Variants in SLC6A11 observed in about 807,000 individuals in gnomAD.
SLC6A11 encodes the protein solute carrier family 6 member 11.
SLC6A11 carries 25 observed loss-of-function variants against 74.8 expected under a neutral mutation model. That is an observed-to-expected ratio of 0.33 (90% CI 0.24 to 0.47). The LOEUF (loss-of-function observed/expected upper bound fraction) is 0.47. Among genes scored for constraint, SLC6A11 ranks in the 20% least tolerant of loss-of-function variants. SLC6A11 has a pLI of 1.00. For synonymous variants in SLC6A11, 330 were observed against 330.2 expected, an observed-to-expected ratio of 1.00 and a Z score of 0.01; for missense variants, 574 against 837.0, an observed-to-expected ratio of 0.69 and a Z score of 3.88.
intron 6 of SLC6A11, among the ~76,000 whole-genome samples, chr3:10,903,431 C>G (rs551981226): frequency 6.6e-6 from 1 of 152,314 alleles, no homozygotes; most frequent in Admixed American, 6.5e-5. Context: ...TACCCCTCCC[C>G]ACAAGTTGCT....
chr3:10,828,466 C>G (rs946072041), intron 4 of SLC6A11, among the ~76,000 whole-genome samples: 5 of 152,148 alleles, frequency 3.3e-5, no homozygotes, highest in Non-Finnish European at 5.9e-5. Flanking sequence ...GATTTGGGAT[C>G]AGAGGAACTA....
intron 9 of SLC6A11, among the ~76,000 whole-genome samples, chr3:10,928,527 T>C (rs1232911813): frequency 6.6e-6 from 1 of 152,144 alleles, no homozygotes; most frequent in Non-Finnish European, 1.5e-5. Flanking sequence ...ACTGGGCAGA[T>C]ACCTTGTACC....
intron 6 of SLC6A11, among the ~76,000 whole-genome samples, chr3:10,893,616 G>T (rs1695132652): frequency 6.6e-6 from 1 of 152,120 alleles, no homozygotes; most frequent in Non-Finnish European, 1.5e-5. Flanking sequence ...ACAAAGCATA[G>T]TCTTCTCACC....
chr3:10,874,819 G>A, intron 5 of SLC6A11, 142 bp from the exon 6 acceptor site: 1 of 685,260 alleles, frequency 1.5e-6, no homozygotes, highest in African/African-American at 1.8e-5. Context: ...AAGCAAATGT[G>A]GTCTATACAC....
intron 6 of SLC6A11, among the ~76,000 whole-genome samples, chr3:10,896,365 G>C (rs1695171689): frequency 6.6e-6 from 1 of 152,222 alleles, no homozygotes. Flanking sequence ...CTGTGAGCCA[G>C]GTGCTCTGTG....
chr3:10,893,036 T>G (rs1226851158), intron 6 of SLC6A11, among the ~76,000 whole-genome samples: 1 of 152,212 alleles, frequency 6.6e-6, no homozygotes, highest in Non-Finnish European at 1.5e-5. Context: ...TAGCACATAG[T>G]AGGTGCTCAT....
chr3:10,847,041 G>T, intron 5 of SLC6A11, among the ~76,000 whole-genome samples: 1 of 152,192 alleles, frequency 6.6e-6, no homozygotes, highest in Non-Finnish European at 1.5e-5. Context: ...TAATATTTAT[G>T]AGTGGTTCCT....
Position 10,868,874 on chromosome 3 carries a change from C to A in SLC6A11, c.757-6087C>A, listed in dbSNP as rs569711879. Among the ~76,000 whole-genome samples the A allele has an allele frequency of 1.4e-4, 21 of 152,328 alleles. 1 individual carries two copies. In the South Asian group the frequency reaches 4.4e-3, roughly 32 times the overall value. Reference sequence around the variant, plus strand: ...AACTGTCCTGCCCTCTGTATATGACCTGGTCTGTCTTTTAAAGCCAAATCC... The same window carrying A: ...AACTGTCCTGCCCTCTGTATATGACATGGTCTGTCTTTTAAAGCCAAATCC... On this transcript the variant is annotated intron_variant, in intron 5 of 13. Transcript: ENST00000254488.
chr3:10,858,861 T>A (rs1694669071), intron 5 of SLC6A11, among the ~76,000 whole-genome samples: 1 of 152,328 alleles, frequency 6.6e-6, no homozygotes, highest in African/African-American at 2.4e-5. Flanking sequence ...TATCTAAGAC[T>A]TGGTCCTGTG....
intron 6 of SLC6A11, among the ~76,000 whole-genome samples, chr3:10,905,388 G>C (rs970916521): frequency 6.6e-6 from 1 of 152,222 alleles, no homozygotes. Context: ...CTCAGAGGCT[G>C]TGCTGGAAGC....
intron 6 of SLC6A11, among the ~76,000 whole-genome samples, chr3:10,902,295 A>C (rs1695250480): frequency 6.6e-6 from 1 of 152,234 alleles, no homozygotes; most frequent in South Asian, 2.1e-4. Context: ...GGAGGGATGA[A>C]GTGTTGGTTC....
At chr3:10,838,027 G>T (rs988421407) in intron 4 of SLC6A11, among the ~76,000 whole-genome samples, 1 of 152,224 alleles carries the variant, frequency 6.6e-6, no homozygotes, top group African/African-American at 2.4e-5. Flanking sequence ...GCCCCTCAGC[G>T]CCAGCTTTTA....
chr3:10,881,346 G>A (rs1217039029), intron 6 of SLC6A11, among the ~76,000 whole-genome samples: 1 of 152,212 alleles, frequency 6.6e-6, no homozygotes. Context: ...AACCTGGGAG[G>A]TGGAGGTTGC....
intron 6 of SLC6A11, among the ~76,000 whole-genome samples, chr3:10,905,690 C>CGT (rs755965038): frequency 6.6e-6 from 1 of 152,222 alleles, no homozygotes; most frequent in Non-Finnish European, 1.5e-5. Flanking sequence ...CCACAGGCAT[C>CGT]TGTTTAAGAA....
chr3:10,838,325 G>T (rs539308051), intron 4 of SLC6A11, among the ~76,000 whole-genome samples: 1 of 152,334 alleles, frequency 6.6e-6, no homozygotes, highest in Admixed American at 6.5e-5. Context: ...ACATGTGTGG[G>T]ATTCCAGCCA....
chr3:10,846,469 C>G (rs1393797173), intron 5 of SLC6A11, among the ~76,000 whole-genome samples: 1 of 152,152 alleles, frequency 6.6e-6, no homozygotes, highest in South Asian at 2.1e-4. Context: ...CATGCTTAGG[C>G]TATTCCGGGA....
intron 9 of SLC6A11, among the ~76,000 whole-genome samples, chr3:10,928,165 T>C (rs1005294293): frequency 6.6e-6 from 1 of 152,228 alleles, no homozygotes; most frequent in African/African-American, 2.4e-5. Flanking sequence ...AGGTATGATA[T>C]GTTTGCTATT....
intron 6 of SLC6A11, among the ~76,000 whole-genome samples, chr3:10,903,078 CCT>C (rs1317218741): frequency 6.6e-6 from 1 of 152,010 alleles, no homozygotes; most frequent in Non-Finnish European, 1.5e-5. Flanking sequence ...CATCATACAC[CCT>C]CTTACTGGTG....
At chr3:10,863,325 C>T (rs1694724943) in intron 5 of SLC6A11, among the ~76,000 whole-genome samples, 1 of 152,202 alleles carries the variant, frequency 6.6e-6, no homozygotes, top group Non-Finnish European at 1.5e-5. Flanking sequence ...TAGACATGGG[C>T]TCATTTAATC....
Sources: allele counts gnomAD v4.1 joint callset (sites outside exome capture counted in the v4.1 genomes callset), GRCh38; gene constraint gnomAD v4.1.1; transcripts MANE v1.5; gene names NCBI Gene and HGNC (gene_info 2026-07-23, HGNC 2026-07-21).